PCDHGA3: variants seen among roughly 807,000 people sequenced by gnomAD.
The protein encoded by PCDHGA3 is protocadherin gamma-A3.
PCDHGA3 carries 40 observed loss-of-function variants against 58.5 expected under a neutral mutation model. The observed-to-expected ratio is 0.68, with a 90% confidence interval of 0.53 to 0.89. PCDHGA3 has a LOEUF of 0.89. Among genes scored for constraint, PCDHGA3 ranks in the 40% least tolerant of loss-of-function variants. PCDHGA3 has a pLI of 0.00. For synonymous variants in PCDHGA3, 530 were observed against 525.7 expected (o/e 1.01, Z -0.11); for missense variants, 1,223 against 1,195.9 (o/e 1.02, Z -0.33).
chr5:141,384,255 C>A (rs1434476229), intron 1 of PCDHGA3: 1 of 1,613,746 alleles, frequency 6.2e-7, no homozygotes, highest in African/African-American at 1.3e-5. Flanking sequence ...CACCCACCTT[C>A]CCCCACTCAT....
intron 1 of PCDHGA3, chr5:141,395,256 T>G: frequency 6.4e-7 from 1 of 1,554,392 alleles, no homozygotes; most frequent in East Asian, 2.3e-5. Flanking sequence ...AGTTCTTTGC[T>G]TGCTTTTAAT....
intron 1 of PCDHGA3, among the ~76,000 whole-genome samples, chr5:141,435,412 T>C (rs2097761991): frequency 6.6e-6 from 1 of 152,222 alleles, no homozygotes; most frequent in Non-Finnish European, 1.5e-5. Flanking sequence ...TGGTAAAGAC[T>C]ATTTTTCACT....
Position 141,346,189 on chromosome 5 carries a change from G to C in PCDHGA3, c.2156G>C (p.Trp719Ser). The change falls in exon 1 of 4, where the codon TGG (tryptophan) becomes TCG (serine). Residue 719 changes from tryptophan (W) to serine (S), a missense_variant. This residue lies in a region of PCDHGA3 where 325 missense variants were observed against 327.5 expected (regional missense o/e 0.99). Transcript: ENST00000253812. ...IVLLALRLRRWHKSRLLQASG... is the reference protein window; with the variant it reads ...IVLLALRLRRSHKSRLLQASG... ...CTGCTGGCGCTCAGGCTGCGGCGCT[G>C]GCACAAGTCACGCCTGCTGCAGGCT... is the stretch of plus-strand genomic sequence containing the variant. The C allele has an allele frequency of 6.2e-7, 1 of 1,614,102 alleles. No individual in the cohort carries two copies.
intron 1 of PCDHGA3, among the ~76,000 whole-genome samples, chr5:141,433,404 T>TATCTATCA (rs757435896): frequency 6.8e-6 from 1 of 146,200 alleles, no homozygotes; most frequent in Non-Finnish European, 1.5e-5. Flanking sequence ...TCTATCTATC[T>TATCTATCA]ATTACTTTCT....
At chr5:141,351,132 A>G (rs1415621297) in intron 1 of PCDHGA3, 2 of 1,614,032 alleles carry the variant, frequency 1.2e-6, no homozygotes, top group South Asian at 1.1e-5. Flanking sequence ...TTCAATCTCA[A>G]TCCAAATACT....
intron 1 of PCDHGA3, chr5:141,375,404 A>T: frequency 1.2e-6 from 2 of 1,613,912 alleles, no homozygotes; most frequent in South Asian, 1.1e-5. Flanking sequence ...CATCTCTCTA[A>T]ATGTGGCAGA....
chr5:141,489,846 T>C lies in PCDHGA3; in HGVS notation c.2425-4961T>C. The C allele has an allele frequency of 6.2e-7, 1 of 1,614,190 alleles. No individual in the cohort carries two copies. The highest frequency in any genetic ancestry group is 1.1e-5 in the South Asian group (1 of 91,088). ...TGGTGCTAGAGCAGCAGCTGGATCG[T>C]GAAGCCCAGGCAAGACATCAGCTGG... is the stretch of plus-strand genomic sequence containing the variant. On this transcript the variant is annotated intron_variant, in intron 1 of 3. Coordinates refer to ENST00000253812, the MANE Select transcript of PCDHGA3 (RefSeq NM_018916.4). This position sits in a 1 kb window ranked among gnomAD's most constrained non-coding sequence, Gnocchi z 4.5.
At chr5:141,404,479 A>C in intron 1 of PCDHGA3, 1 of 1,613,750 alleles carries the variant, frequency 6.2e-7, no homozygotes, top group South Asian at 1.1e-5. Context: ...CTATTAACTC[A>C]GACACTGGTG....
At chr5:141,478,733 T>C (rs1562072874) in intron 1 of PCDHGA3, 8 of 1,537,128 alleles carry the variant, frequency 5.2e-6, no homozygotes, top group Non-Finnish European at 7.0e-6. Context: ...AGAGTGTGGT[T>C]TGTGGTCCCA....
intron 1 of PCDHGA3, among the ~76,000 whole-genome samples, chr5:141,444,253 C>T (rs2154560603): frequency 7.0e-6 from 1 of 142,690 alleles, no homozygotes; most frequent in South Asian, 2.3e-4. Flanking sequence ...CTCACTGCAA[C>T]CTCCGCCTCC....
intron 1 of PCDHGA3, chr5:141,373,837 A>C (rs1457844906): frequency 9.4e-6 from 4 of 427,674 alleles, no homozygotes; most frequent in East Asian, 3.5e-5. Flanking sequence ...GTATTAAGTT[A>C]GGACTCTAAG....
intron 1 of PCDHGA3, among the ~76,000 whole-genome samples, chr5:141,405,839 G>C (rs2094725144): frequency 6.6e-6 from 1 of 152,134 alleles, no homozygotes; most frequent in African/African-American, 2.4e-5. Context: ...AGTATAAGTT[G>C]ATATCAGTGT....
intron 1 of PCDHGA3, chr5:141,351,055 C>G: frequency 1.2e-6 from 2 of 1,614,046 alleles, no homozygotes; most frequent in Non-Finnish European, 1.7e-6. Flanking sequence ...TGGCCACAGA[C>G]CAGGATGAGG....
intron 1 of PCDHGA3, chr5:141,362,266 A>G (rs1180216273): frequency 1.2e-6 from 2 of 1,613,342 alleles, no homozygotes; most frequent in Non-Finnish European, 1.7e-6. Context: ...GATTCTGGCA[A>G]TCTCCCTGCG....
At chr5:141,383,218 A>C in intron 1 of PCDHGA3, 1 of 1,614,020 alleles carries the variant, frequency 6.2e-7, no homozygotes, top group Non-Finnish European at 8.5e-7. Context: ...GGTAAACTTT[A>C]ACATCCTGAT....
Position 141,433,071 on chromosome 5 carries a change from C to T in PCDHGA3, c.2425-61736C>T, listed in dbSNP as rs2097566106. On this transcript the variant is annotated intron_variant, in intron 1 of 3. Transcript: ENST00000253812. ...TCGCGGAAGAGTCACCTGATCTTCC[C>T]CCAGCCCAACTATGCAGACATGCTC... 2.5e-6 allele frequency: 4 copies of T among 1,614,154 alleles called. No homozygotes were observed. The East Asian group carries it at 8.9e-5, about 36-fold the overall frequency.
At position 141,489,786 on chromosome 5, in the gene PCDHGA3, G is replaced by A. The variant is rs758119518; in HGVS notation, c.2425-5021G>A. 8.7e-6 allele frequency: 14 copies of A among 1,614,194 alleles called. No individual in the cohort carries two copies. Among genetic ancestry groups the A allele is most frequent in the Non-Finnish European group, 1.2e-5 (14 of 1,180,014 alleles). ...CCAACAGCCACTTCTCTCTGAATGTGAAGACCCTAAAAGATGGGAAGCCAT... is the reference window on the plus strand; with the variant it reads ...CCAACAGCCACTTCTCTCTGAATGTAAAGACCCTAAAAGATGGGAAGCCAT... On this transcript the variant is annotated intron_variant, in intron 1 of 3. Transcript: ENST00000253812. This position sits in a 1 kb window ranked among gnomAD's most constrained non-coding sequence, Gnocchi z 4.5.
At chr5:141,440,696 A>G (rs2098194818) in intron 1 of PCDHGA3, 1 of 152,210 alleles carries the variant, frequency 6.6e-6, no homozygotes, top group Non-Finnish European at 1.5e-5. Flanking sequence ...AAAGTGACCA[A>G]CAGTGGAAAG....
chr5:141,423,552 C>A, intron 1 of PCDHGA3: 2 of 1,613,720 alleles, frequency 1.2e-6, no homozygotes, highest in Non-Finnish European at 1.7e-6. Context: ...CCCAGCCCAA[C>A]TATGGGGACA....
Sources: gnomAD v4.1 joint callset for allele counts (sites outside exome capture counted in the v4.1 genomes callset) on GRCh38, gnomAD v4.1.1 for gene constraint, gnomAD v4.1.1 regional missense constraint, Gnocchi (gnomAD v3.1) non-coding constraint, MANE v1.5 for transcripts, NCBI Gene and HGNC (gene_info 2026-07-23, HGNC 2026-07-21) for gene names.